MAP2: variants seen among roughly 807,000 people sequenced by gnomAD.
The protein encoded by MAP2 is microtubule associated protein 2.
Under a neutral mutation model 137.6 loss-of-function variants are expected in MAP2, and 14 were observed. The observed-to-expected ratio is 0.10, with a 90% CI of 0.07 to 0.16. The LOEUF is 0.16. MAP2 is among the 10% of genes least tolerant of loss of function. The pLI is 1.00. For missense variants in MAP2, 2,088 were observed against 2,191.5 expected (o/e 0.95, Z 0.94); for synonymous variants, 786 against 782.3 (o/e 1.00, Z -0.08).
In MAP2 at chr2:209,715,406, C is replaced by CTA. The variant is rs1389593896; in HGVS notation, c.5073+5152_5073+5153insTA. Among the ~76,000 whole-genome samples, 18 of 152,050 alleles carry CTA rather than the reference C, an allele frequency of 1.2e-4. No homozygotes were observed. In the East Asian group the frequency reaches 1.7e-3, roughly 15 times the overall value. ...AAATATTTATTGAGCACCTACTACA[C>CTA]CATGCTATGTTCTACATACTGAAAT... On this transcript the variant is annotated intron_variant, in intron 13 of 15. Coordinates refer to ENST00000682079, the MANE Select transcript of MAP2 (RefSeq NM_001375505.1).
intron 13 of MAP2, among the ~76,000 whole-genome samples, chr2:209,725,131 GA>G (rs2073389015): frequency 6.6e-6 from 1 of 152,162 alleles, no homozygotes. Context: ...CAAATATTGG[GA>G]GAGGAAATAT....
chr2:209,572,692 C>T (rs916320410), intron 2 of MAP2, among the ~76,000 whole-genome samples: 4 of 152,064 alleles, frequency 2.6e-5, no homozygotes, highest in Non-Finnish European at 5.9e-5. Context: ...AATTTTGTTC[C>T]TCAGTAATAA....
chr2:209,543,050 A>C (rs1048202061), intron 2 of MAP2, among the ~76,000 whole-genome samples: 2 of 152,234 alleles, frequency 1.3e-5, no homozygotes, highest in Admixed American at 6.5e-5. Context: ...AAACTTAGTC[A>C]TTCCTAGTTT....
At chr2:209,426,039 T>C (rs763392828) in intron 1 of MAP2, among the ~76,000 whole-genome samples, 7 of 152,202 alleles carry the variant, frequency 4.6e-5, no homozygotes, top group Non-Finnish European at 5.9e-5. Context: ...ATTATATTTG[T>C]GTGTGTATGT....
At chr2:209,428,344 GT>G (rs1169960696) in intron 1 of MAP2, among the ~76,000 whole-genome samples, 1 of 142,684 alleles carries the variant, frequency 7.0e-6, no homozygotes, top group African/African-American at 2.6e-5. Context: ...TAGACAGTTT[GT>G]TTTCCGTTAA....
intron 5 of MAP2, among the ~76,000 whole-genome samples, chr2:209,672,705 C>T (rs1310358044): frequency 1.3e-5 from 2 of 151,732 alleles, no homozygotes; most frequent in African/African-American, 4.8e-5. Flanking sequence ...GCTAGTTTTC[C>T]CATCTGGACT....
chr2:209,691,802 T>A (rs2058989654), intron 7 of MAP2, among the ~76,000 whole-genome samples: 1 of 152,224 alleles, frequency 6.6e-6, no homozygotes, highest in South Asian at 2.1e-4. Flanking sequence ...AATAGTTGAC[T>A]CTTTTGAAAA....
intron 6 of MAP2, among the ~76,000 whole-genome samples, chr2:209,679,322 CATAGATAG>C (rs3036677): frequency 0.086 from 12,712 of 148,368 alleles, 554 homozygotes; most frequent in African/African-American, 0.095. Context: ...TGCCCCTACT[CATAGATAG>C]ATAGATAGAT....
At chr2:209,574,447 A>T (rs929274828) in intron 2 of MAP2, among the ~76,000 whole-genome samples, 1 of 152,008 alleles carries the variant, frequency 6.6e-6, no homozygotes. Context: ...ACACACACAC[A>T]CACACACACA....
At chr2:209,448,913 A>G (rs992865981) in intron 1 of MAP2, among the ~76,000 whole-genome samples, 1 of 152,178 alleles carries the variant, frequency 6.6e-6, no homozygotes, top group Non-Finnish European at 1.5e-5. Flanking sequence ...TAACCACCAT[A>G]CCATGTGGTA....
At chr2:209,674,863 A>G (rs1413207458) in intron 5 of MAP2, among the ~76,000 whole-genome samples, 1 of 151,798 alleles carries the variant, frequency 6.6e-6, no homozygotes, top group African/African-American at 2.4e-5. Context: ...CCCAGAAGCC[A>G]TGCTATAAGG....
At chr2:209,484,176 G>C (rs1439001695) in intron 1 of MAP2, among the ~76,000 whole-genome samples, 1 of 152,170 alleles carries the variant, frequency 6.6e-6, no homozygotes, top group Admixed American at 6.5e-5. Context: ...TTTAACTTGT[G>C]AGGGCCATTT....
At chr2:209,570,814 C>T (rs759639704) in intron 2 of MAP2, among the ~76,000 whole-genome samples, 5 of 151,798 alleles carry the variant, frequency 3.3e-5, no homozygotes, top group African/African-American at 7.2e-5. Context: ...AATAAACTTA[C>T]GATTACGATA....
chr2:209,521,140 T>C (rs944184062), intron 2 of MAP2, among the ~76,000 whole-genome samples: 1 of 152,064 alleles, frequency 6.6e-6, no homozygotes, highest in African/African-American at 2.4e-5. Flanking sequence ...AAATGAATAA[T>C]TTATTCACTA....
chr2:209,694,773 G>T lies in MAP2; in HGVS notation c.2603G>T (p.Gly868Val). ...VKTDSQLEDL[G>V]YCVFNKYTVP... ...ACGGACAGTCAGCTCGAAGACCTGG[G>T]CTACTGTGTGTTCAATAAGTACACA... is the stretch of plus-strand genomic sequence containing the variant. The change falls in exon 8 of 16, where the codon GGC becomes GTC. Residue 868 changes from glycine (G) to valine (V), a missense_variant. This residue lies in a region of MAP2 where 500 missense variants were observed against 482.9 expected (regional missense o/e 1.04). Transcript: ENST00000682079. The T allele has an allele frequency of 6.2e-7, 1 of 1,614,128 alleles. No individual in the cohort carries two copies. The highest frequency in any genetic ancestry group is 8.5e-7 in the Non-Finnish European group (1 of 1,180,028).
At chr2:209,445,963 T>TA (rs922818585) in intron 1 of MAP2, among the ~76,000 whole-genome samples, 4 of 151,514 alleles carry the variant, frequency 2.6e-5, no homozygotes, top group African/African-American at 4.8e-5. Context: ...TAGAATACCA[T>TA]AAAAAAATCA....
intron 5 of MAP2, among the ~76,000 whole-genome samples, chr2:209,655,852 T>C (rs980764160): frequency 6.6e-6 from 1 of 152,256 alleles, no homozygotes; most frequent in Non-Finnish European, 1.5e-5. Flanking sequence ...CACAGCTATA[T>C]GTTGTAATAT....
intron 1 of MAP2, among the ~76,000 whole-genome samples, chr2:209,495,109 C>T (rs187060113): frequency 1.3e-5 from 2 of 152,368 alleles, no homozygotes; most frequent in African/African-American, 4.8e-5. Flanking sequence ...GTGCCGTAAG[C>T]TGCTGTAGCC....
At chr2:209,460,909 C>T (rs1329794352) in intron 1 of MAP2, among the ~76,000 whole-genome samples, 1 of 151,842 alleles carries the variant, frequency 6.6e-6, no homozygotes, top group Non-Finnish European at 1.5e-5. Context: ...CCACCACACC[C>T]AGCTAATTTT....
Sources: allele counts gnomAD v4.1 joint callset (sites outside exome capture counted in the v4.1 genomes callset), GRCh38; gene constraint gnomAD v4.1.1; regional missense constraint gnomAD v4.1.1; transcripts MANE v1.5; gene names NCBI Gene and HGNC (gene_info 2026-07-23, HGNC 2026-07-21).